ADAMTS6: variants seen among roughly 807,000 people sequenced by gnomAD.
ADAMTS6 encodes the protein ADAM metallopeptidase with thrombospondin type 1 motif 6, also known as A disintegrin and metalloproteinase with thrombospondin motifs 6.
ADAMTS6 carries 23 observed loss-of-function variants against 144.3 expected under a neutral mutation model. The ratio of observed to expected loss-of-function variants is 0.16; its 90% confidence interval spans 0.11 to 0.23. The LOEUF is 0.23. Among genes scored for constraint, ADAMTS6 ranks in the 10% least tolerant of loss-of-function variants. The pLI is 1.00. For missense variants in ADAMTS6, 999 were observed against 1,379.6 expected (o/e 0.72, Z 4.37); for synonymous variants, 444 against 457.5 (o/e 0.97, Z 0.38).
At chr5:65,260,917 A>C (rs1010101030) in intron 13 of ADAMTS6, among the ~76,000 whole-genome samples, 1 of 152,024 alleles carries the variant, frequency 6.6e-6, no homozygotes, top group African/African-American at 2.4e-5. Context: ...GTAATTTATA[A>C]GATTCTTAAT....
At chr5:65,318,488 C>T (rs1416637048) in intron 9 of ADAMTS6, among the ~76,000 whole-genome samples, 1 of 152,070 alleles carries the variant, frequency 6.6e-6, no homozygotes, top group African/African-American at 2.4e-5. Flanking sequence ...AAGTGTCCAT[C>T]AACAGAAGAA....
intron 3 of ADAMTS6, among the ~76,000 whole-genome samples, chr5:65,461,228 C>T (rs993357456): frequency 6.6e-6 from 1 of 152,204 alleles, no homozygotes; most frequent in African/African-American, 2.4e-5. Context: ...AGAGCTAATT[C>T]TCAGTATCAC....
chr5:65,187,574 G>T (rs190159960), intron 22 of ADAMTS6, among the ~76,000 whole-genome samples: 4 of 152,200 alleles, frequency 2.6e-5, no homozygotes, highest in Admixed American at 2.0e-4. Flanking sequence ...CTTGAAAAAA[G>T]ATATTTTAAA....
chr5:65,450,089 A>G (rs1758618858), intron 7 of ADAMTS6, among the ~76,000 whole-genome samples: 1 of 152,180 alleles, frequency 6.6e-6, no homozygotes, highest in Non-Finnish European at 1.5e-5. Context: ...TTTTTAACAG[A>G]AAGGTTTCCA....
chr5:65,454,678 G>C (rs895962240), intron 4 of ADAMTS6, among the ~76,000 whole-genome samples: 8 of 152,180 alleles, frequency 5.3e-5, no homozygotes, highest in African/African-American at 1.9e-4. Context: ...TGTAGCATTT[G>C]TCTAGAGTCT....
intron 7 of ADAMTS6, among the ~76,000 whole-genome samples, chr5:65,356,098 A>G (rs770516277): frequency 5.3e-5 from 8 of 151,726 alleles, no homozygotes; most frequent in Non-Finnish European, 1.2e-4. Flanking sequence ...TTTAGTAGAC[A>G]TATTGTTAGA....
At chr5:65,186,201 T>TA in intron 22 of ADAMTS6, among the ~76,000 whole-genome samples, 1 of 152,278 alleles carries the variant, frequency 6.6e-6, no homozygotes, top group South Asian at 2.1e-4. Context: ...CCCAACTCTA[T>TA]ACCCCTCCAT....
intron 14 of ADAMTS6, among the ~76,000 whole-genome samples, chr5:65,243,654 T>A (rs901835299): frequency 6.6e-6 from 1 of 152,094 alleles, no homozygotes; most frequent in Non-Finnish European, 1.5e-5. Context: ...TCAGGGTCTT[T>A]TTTTTCCTGG....
At chr5:65,449,125 T>C (rs1163373866) in intron 7 of ADAMTS6, among the ~76,000 whole-genome samples, 3 of 152,196 alleles carry the variant, frequency 2.0e-5, no homozygotes, top group Admixed American at 2.0e-4. Flanking sequence ...TATAGACTTT[T>C]AAATAGGCTA....
At chr5:65,232,152 A>C (rs540888288) in intron 15 of ADAMTS6, among the ~76,000 whole-genome samples, 4 of 152,246 alleles carry the variant, frequency 2.6e-5, no homozygotes, top group Non-Finnish European at 4.4e-5. Context: ...CAAACCAACA[A>C]GAAACCTTAT....
At chr5:65,384,118 G>C (rs958546060) in intron 7 of ADAMTS6, among the ~76,000 whole-genome samples, 2 of 152,228 alleles carry the variant, frequency 1.3e-5, no homozygotes, top group East Asian at 1.9e-4. Context: ...TCATTCTTTC[G>C]TTGTCTTGAT....
At chr5:65,459,102 C>A (rs545586265) in intron 4 of ADAMTS6, among the ~76,000 whole-genome samples, 11 of 151,432 alleles carry the variant, frequency 7.3e-5, no homozygotes, top group Non-Finnish European at 1.5e-4. Context: ...GTCTCGAACT[C>A]CTGGGCTCAA....
rs138023087 is a variant in ADAMTS6, at chr5:65,358,603, C to T, written c.1074-24518G>A. Reference sequence around the variant, plus strand: ...TGAATAAAAAGAACAAAGCTGAAGGCATCGCACTACCTCATTCAAAATATA... The same window carrying T: ...TGAATAAAAAGAACAAAGCTGAAGGTATCGCACTACCTCATTCAAAATATA... On this transcript the variant is annotated intron_variant, in intron 7 of 24. Transcript: ENST00000381055. 3.0e-3 allele frequency among the ~76,000 whole-genome samples: 455 copies of T among 152,160 alleles called. 3 individuals are homozygous for T. Among genetic ancestry groups the T allele is most frequent in the Non-Finnish European group, 5.6e-3 (381 of 67,944 alleles).
rs115496488 is a variant in ADAMTS6 at position 65,245,892 on chromosome 5, T to C, written c.1831-3686A>G. Reference sequence around the variant, plus strand: ...AACCAATAAGATTTGGCCTGAGAGGTACAATTTGTCAACCCCGGTATAGGG... The same window carrying C: ...AACCAATAAGATTTGGCCTGAGAGGCACAATTTGTCAACCCCGGTATAGGG... On this transcript the variant is annotated intron_variant, in intron 14 of 24. Coordinates refer to ENST00000381055, the MANE Select transcript of ADAMTS6 (RefSeq NM_197941.4). Among the ~76,000 whole-genome samples the C allele has an allele frequency of 5.5e-3, 835 of 152,184 alleles. 3 individuals are homozygous for C. The highest frequency in any genetic ancestry group is 0.019 in the African/African-American group (808 of 41,528).
chr5:65,457,307 G>T (rs1759285276), intron 4 of ADAMTS6, among the ~76,000 whole-genome samples: 2 of 152,010 alleles, frequency 1.3e-5, no homozygotes, highest in Admixed American at 1.3e-4. Flanking sequence ...AGATAATGAG[G>T]GTCTAAAATA....
At chr5:65,172,739 A>G in intron 23 of ADAMTS6, 93 bp downstream of exon 23, 1 of 1,422,486 alleles carries the variant, frequency 7.0e-7, no homozygotes. Flanking sequence ...ATTCTTACTC[A>G]TCTCTCAAGC....
At position 65,275,415 on chromosome 5, in the gene ADAMTS6, GAA is replaced by G. The variant is rs1167366560; in HGVS notation, c.1513-1970_1513-1969del. ...AGAAAGAAAGAAAGAAAGAAAGAAA[GAA>G]AAGAAAGAAAGAAAGAAAAGAAAAA... On this transcript the variant is annotated intron_variant, in intron 11 of 24. Coordinates refer to ENST00000381055, the MANE Select transcript of ADAMTS6 (RefSeq NM_197941.4). Among the ~76,000 whole-genome samples, 5 of 120,886 alleles carry G rather than the reference GAA, an allele frequency of 4.1e-5. No homozygotes were observed. The South Asian group carries it at 1.1e-3, about 27-fold the overall frequency. 79.3% of individuals were successfully genotyped at this position (120,886 alleles called of 152,430 possible).
chr5:65,329,110 A>C (rs1746454029), intron 9 of ADAMTS6, among the ~76,000 whole-genome samples: 1 of 152,140 alleles, frequency 6.6e-6, no homozygotes, highest in Non-Finnish European at 1.5e-5. Flanking sequence ...TGGACTTTAT[A>C]AGGAAACAGG....
intron 7 of ADAMTS6, among the ~76,000 whole-genome samples, chr5:65,411,490 T>C (rs899881457): frequency 6.6e-6 from 1 of 152,226 alleles, no homozygotes; most frequent in African/African-American, 2.4e-5. Context: ...AATGGAATCC[T>C]ATTATCTCCT....
Sources: allele counts gnomAD v4.1 joint callset (sites outside exome capture counted in the v4.1 genomes callset), GRCh38; gene constraint gnomAD v4.1.1; transcripts MANE v1.5; gene names NCBI Gene and HGNC (gene_info 2026-07-23, HGNC 2026-07-21).